MECOM: variants seen among roughly 807,000 people sequenced by gnomAD.
MECOM encodes the protein histone-lysine N-methyltransferase MECOM.
In MECOM, 13 loss-of-function variants were observed where a neutral mutation model predicts 116.3. The observed-to-expected ratio is 0.11, with a 90% CI of 0.07 to 0.18. The LOEUF is 0.18. MECOM is among the 10% of genes least tolerant of loss of function. The probability of loss-of-function intolerance (pLI) is 1.00; values close to 1 mark genes in which losing one functional copy is unlikely to be tolerated. For synonymous variants in MECOM, 528 were observed against 535.2 expected (o/e 0.99, Z 0.19); for missense variants, 1,299 against 1,509.0 (o/e 0.86, Z 2.31).
At chr3:169,387,444 T>C (rs1459611802) in intron 1 of MECOM, among the ~76,000 whole-genome samples, 1 of 152,232 alleles carries the variant, frequency 6.6e-6, no homozygotes, top group Non-Finnish European at 1.5e-5. Flanking sequence ...ACTGCAAATC[T>C]GGTCAGATGC....
chr3:169,097,043 T>G (rs1721733555), intron 12 of MECOM, among the ~76,000 whole-genome samples: 1 of 151,990 alleles, frequency 6.6e-6, no homozygotes, highest in South Asian at 2.1e-4. Context: ...CCCACTGCAA[T>G]GAGAACCATG....
intron 1 of MECOM, among the ~76,000 whole-genome samples, chr3:169,575,880 A>C (rs1035455917): frequency 6.6e-6 from 1 of 152,070 alleles, no homozygotes; most frequent in African/African-American, 2.4e-5. Flanking sequence ...TTAAAAAAAA[A>C]ACAAAACAAA....
intron 1 of MECOM, among the ~76,000 whole-genome samples, chr3:169,411,526 G>A (rs1017154212): frequency 2.0e-5 from 3 of 152,206 alleles, no homozygotes; most frequent in African/African-American, 7.2e-5. Flanking sequence ...TAGAGGAGAT[G>A]TATGCTTGGT....
chr3:169,382,909 C>A (rs1732715193), intron 1 of MECOM, among the ~76,000 whole-genome samples: 1 of 147,308 alleles, frequency 6.8e-6, no homozygotes, highest in Non-Finnish European at 1.5e-5. Context: ...CCTCCAGCTC[C>A]ATGATCAGTG....
chr3:169,494,284 T>C lies in MECOM; in HGVS notation c.38-112760A>G, dbSNP rs1027905148. 2.0e-5 allele frequency among the ~76,000 whole-genome samples: 3 copies of C among 152,070 alleles called. No homozygotes were observed. In the South Asian group the frequency reaches 6.2e-4, roughly 31 times the overall value. ...TTTGAGAGGGAATATTTTCAGAGAG[T>C]AAACTTATTGGTAAAACTAACAAGT... On this transcript the variant is annotated intron_variant, in intron 1 of 16. Transcript: ENST00000651503.
chr3:169,255,928 G>A (rs1330211691), intron 2 of MECOM, among the ~76,000 whole-genome samples: 3 of 152,050 alleles, frequency 2.0e-5, no homozygotes, highest in Non-Finnish European at 4.4e-5. Flanking sequence ...ATGGCTTCAA[G>A]TTATAGATGA....
intron 2 of MECOM, among the ~76,000 whole-genome samples, chr3:169,174,680 G>A (rs1231190721): frequency 1.3e-5 from 2 of 152,110 alleles, no homozygotes; most frequent in South Asian, 4.1e-4. Context: ...CGGAAATTCT[G>A]AAAAATAGCA....
chr3:169,353,971 T>C (rs1726825539), intron 2 of MECOM, among the ~76,000 whole-genome samples: 1 of 151,902 alleles, frequency 6.6e-6, no homozygotes, highest in East Asian at 1.9e-4. Flanking sequence ...TCAAAGAATA[T>C]TTATTCAGTC....
At chr3:169,157,957 T>C (rs375317257) in intron 2 of MECOM, among the ~76,000 whole-genome samples, 3 of 152,210 alleles carry the variant, frequency 2.0e-5, no homozygotes, top group Admixed American at 6.5e-5. Context: ...GTGGAGAACA[T>C]TGAAATGATG....
Position 169,378,454 on chromosome 3 carries a change from A to AAAGAAAGAAAGC in MECOM, c.375+2732_375+2733insGCTTTCTTTCTT. 3.7e-5 allele frequency among the ~76,000 whole-genome samples: 2 copies of AAAGAAAGAAAGC among 54,514 alleles called. 1 individual carries two copies. Among genetic ancestry groups the AAAGAAAGAAAGC allele is most frequent in the Admixed American group, 4.2e-4 (2 of 4,808 alleles). The allele number at this position is 54,514 out of a possible 152,430, so 35.8% of individuals were successfully genotyped here. A position where few individuals can be genotyped will look rare whatever the true frequency, so the allele number is the denominator to read the frequency against. On this transcript the variant is annotated intron_variant, in intron 2 of 16. Coordinates refer to ENST00000651503, the MANE Select transcript of MECOM (RefSeq NM_004991.4). ...GAAAGAAAGAAAGAAAGAAAGAAGGAAAGCAAGCAAGCAAGCAAGCAAGAA... is the reference window on the plus strand; with the variant it reads ...GAAAGAAAGAAAGAAAGAAAGAAGGAAAGAAAGAAAGCAAGCAAGCAAGCAAGCAAGCAAGAA...
At chr3:169,329,953 G>A (rs1722464638) in intron 2 of MECOM, among the ~76,000 whole-genome samples, 1 of 152,206 alleles carries the variant, frequency 6.6e-6, no homozygotes, top group Non-Finnish European at 1.5e-5. Context: ...AAAGTGTTTT[G>A]TGTGTCAGCA....
At chr3:169,371,333 A>G (rs918913448) in intron 2 of MECOM, among the ~76,000 whole-genome samples, 1 of 151,980 alleles carries the variant, frequency 6.6e-6, no homozygotes, top group African/African-American at 2.4e-5. Flanking sequence ...AGAGAGTAGA[A>G]TGGTTGTTCC....
chr3:169,284,334 G>C (rs543417109), intron 2 of MECOM, among the ~76,000 whole-genome samples: 1 of 152,124 alleles, frequency 6.6e-6, no homozygotes, highest in Non-Finnish European at 1.5e-5. Context: ...AATCCTGAGC[G>C]TTGAGATTAG....
intron 8 of MECOM, among the ~76,000 whole-genome samples, chr3:169,113,990 T>G (rs1728288725): frequency 6.6e-6 from 1 of 151,934 alleles, no homozygotes; most frequent in South Asian, 2.1e-4. Flanking sequence ...GAGATCACAG[T>G]GAGTAAGAGG....
chr3:169,158,620 C>T (rs950353896), intron 2 of MECOM, among the ~76,000 whole-genome samples: 12 of 152,138 alleles, frequency 7.9e-5, no homozygotes, highest in Non-Finnish European at 1.5e-4. Flanking sequence ...ATACCACTTC[C>T]TCTGGTGCTC....
At chr3:169,560,097 C>T (rs1236509691) in intron 1 of MECOM, among the ~76,000 whole-genome samples, 1 of 152,182 alleles carries the variant, frequency 6.6e-6, no homozygotes, top group Non-Finnish European at 1.5e-5. Context: ...GCATTTCTAC[C>T]TTTACTTGTA....
chr3:169,180,090 C>T (rs369048300), intron 2 of MECOM, among the ~76,000 whole-genome samples: 19 of 152,206 alleles, frequency 1.2e-4, no homozygotes, highest in Admixed American at 5.9e-4. Context: ...CTAGTTTTTC[C>T]GTTGTCTGGC....
chr3:169,119,128 G>A (rs923786239), intron 7 of MECOM, among the ~76,000 whole-genome samples: 12 of 152,196 alleles, frequency 7.9e-5, no homozygotes, highest in Non-Finnish European at 1.5e-4. Flanking sequence ...AATTACCTTA[G>A]CACTGGTGAC....
chr3:169,594,174 A>AAAAAC (rs1255613781), intron 1 of MECOM, among the ~76,000 whole-genome samples: 222 of 125,686 alleles, frequency 1.8e-3, no homozygotes, highest in Non-Finnish European at 2.1e-3. Context: ...AAAAAAAAAA[A>AAAAAC]AACACCTTTT....
Sources: allele counts gnomAD v4.1 joint callset (sites outside exome capture counted in the v4.1 genomes callset), GRCh38; gene constraint gnomAD v4.1.1; transcripts MANE v1.5; gene names NCBI Gene and HGNC (gene_info 2026-07-23, HGNC 2026-07-21).